IFT74: variants seen among roughly 807,000 people sequenced by gnomAD.
IFT74 encodes intraflagellar transport protein 74 homolog.
IFT74 carries 92 observed loss-of-function variants against 96.7 expected under a neutral mutation model. The ratio of observed to expected loss-of-function variants is 0.95; its 90% CI spans 0.80 to 1.13. The LOEUF (loss-of-function observed/expected upper bound fraction) is 1.13, where lower values mean the gene tolerates loss of function less well. Ranked by LOEUF, IFT74 falls within the 50% of genes most tolerant of loss-of-function variation. The pLI is 0.00. For missense variants in IFT74, 811 were observed against 698.2 expected, an observed-to-expected ratio of 1.16 and a Z score of -1.82; for synonymous variants, 223 against 213.2, an observed-to-expected ratio of 1.05 and a Z score of -0.40.
upstream of IFT74, among the ~76,000 whole-genome samples, chr9:26,953,711 A>G (rs753243294): frequency 2.1e-5 from 3 of 145,518 alleles, no homozygotes; most frequent in Non-Finnish European, 4.5e-5. Context: ...GGGTCTCACT[A>G]TGTTGCCCAG....
rs1820529260 is a variant in IFT74 at position 27,063,871 on chromosome 9, T to A, written c.*1135T>A. Among the ~76,000 whole-genome samples the A allele has an allele frequency of 6.6e-6, 1 of 152,100 alleles. No homozygotes were observed. Among genetic ancestry groups the A allele is most frequent in the African/African-American group, 2.4e-5 (1 of 41,462 alleles). ...AGTTTGCTGAACTCTGGATTACTAA[T>A]ATGGCTGAAGATCCTGGACATTCAT... On this transcript the variant is annotated 3_prime_UTR_variant, in exon 20 of 20. Coordinates refer to ENST00000380062, the MANE Select transcript of IFT74 (RefSeq NM_025103.4).
At chr9:27,021,257 A>G (rs1469663007) in intron 12 of IFT74, among the ~76,000 whole-genome samples, 1 of 152,028 alleles carries the variant, frequency 6.6e-6, no homozygotes, top group Non-Finnish European at 1.5e-5. Context: ...GGCTGTTTCC[A>G]TATTTTTCCA....
At chr9:27,055,439 G>A (rs569035472) in intron 16 of IFT74, among the ~76,000 whole-genome samples, 170 bp from the exon 17 acceptor site, 117 of 151,928 alleles carry the variant, frequency 7.7e-4, no homozygotes, top group Admixed American at 1.8e-3. Flanking sequence ...GGTTATTGAG[G>A]GGATGAGTAT....
chr9:27,000,414 T>C (rs567601433), intron 8 of IFT74, among the ~76,000 whole-genome samples: 1 of 152,348 alleles, frequency 6.6e-6, no homozygotes, highest in Admixed American at 6.5e-5. Context: ...GCATTATCTA[T>C]TGGCATTATC....
At chr9:26,955,649 C>T (rs1826056871), upstream of IFT74, 1 of 152,028 alleles carries the variant, frequency 6.6e-6, no homozygotes, top group African/African-American at 2.4e-5. Context: ...AACATTATCT[C>T]ATTTTGTGTT....
At chr9:26,992,600 C>T (rs1031659767) in intron 8 of IFT74, among the ~76,000 whole-genome samples, 21 of 151,616 alleles carry the variant, frequency 1.4e-4, no homozygotes, top group African/African-American at 4.6e-4. Flanking sequence ...GGCTGAGGCA[C>T]GCGAATCACT....
intron 1 of IFT74, among the ~76,000 whole-genome samples, chr9:26,950,531 C>T (rs1211703350): frequency 6.6e-6 from 1 of 152,118 alleles, no homozygotes; most frequent in African/African-American, 2.4e-5. Flanking sequence ...TTATTTTAGC[C>T]TCCACACTAG....
chr9:26,947,964 G>A (rs1046236604), intron 1 of IFT74, among the ~76,000 whole-genome samples: 2 of 152,122 alleles, frequency 1.3e-5, no homozygotes, highest in Non-Finnish European at 2.9e-5. Context: ...TTGAGTGCCA[G>A]GGTAAACATG....
chr9:27,016,387 T>C (rs139181695), intron 10 of IFT74, among the ~76,000 whole-genome samples: 171 of 152,306 alleles, frequency 1.1e-3, no homozygotes, highest in African/African-American at 3.9e-3. Flanking sequence ...TTAACTTGAC[T>C]AAATATGCAA....
intron 16 of IFT74, among the ~76,000 whole-genome samples, chr9:27,048,619 AT>A (rs1249812840): frequency 6.6e-6 from 1 of 152,198 alleles, no homozygotes; most frequent in African/African-American, 2.4e-5. Flanking sequence ...ATCAACTTTG[AT>A]TTGTACAGAG....
At chr9:27,014,695 C>T (rs577023078) in intron 10 of IFT74, among the ~76,000 whole-genome samples, 10 of 152,280 alleles carry the variant, frequency 6.6e-5, no homozygotes, top group South Asian at 4.1e-4. Flanking sequence ...CTGCAACCTC[C>T]GCCTTCTGAG....
At chr9:27,002,951 C>G (rs1202760560) in intron 8 of IFT74, among the ~76,000 whole-genome samples, 2 of 151,866 alleles carry the variant, frequency 1.3e-5, no homozygotes, top group African/African-American at 4.8e-5. Context: ...TTTGTATCCT[C>G]TTCAGTTTCT....
intron 13 of IFT74, among the ~76,000 whole-genome samples, chr9:27,033,338 G>T (rs540161817): frequency 9.2e-5 from 14 of 152,012 alleles, no homozygotes; most frequent in African/African-American, 3.1e-4. Context: ...GGGGTGGATT[G>T]CTTGAGCTCA....
At chr9:26,952,231 T>A (rs1158056435), upstream of IFT74, among the ~76,000 whole-genome samples, 1 of 152,138 alleles carries the variant, frequency 6.6e-6, no homozygotes, top group Non-Finnish European at 1.5e-5. Context: ...GAATATTCAT[T>A]ATGATTTTTA....
intron 13 of IFT74, among the ~76,000 whole-genome samples, chr9:27,030,338 T>C (rs2131645243): frequency 6.6e-6 from 1 of 152,218 alleles, no homozygotes; most frequent in African/African-American, 2.4e-5. Context: ...GTGATCCTCC[T>C]GTCTCAGCCT....
At chr9:26,961,323 C>T (rs555559220) in intron 1 of IFT74, among the ~76,000 whole-genome samples, 94 of 152,158 alleles carry the variant, frequency 6.2e-4, no homozygotes, top group African/African-American at 2.1e-3. Flanking sequence ...ATCTGCTGAC[C>T]TCATGATCCA....
At chr9:26,992,412 G>T (rs978783908) in intron 8 of IFT74, among the ~76,000 whole-genome samples, 1 of 152,120 alleles carries the variant, frequency 6.6e-6, no homozygotes, top group Non-Finnish European at 1.5e-5. Context: ...ACAACAATTG[G>T]CCAGGTGCAG....
intron 16 of IFT74, among the ~76,000 whole-genome samples, chr9:27,055,264 A>C (rs1467199357): frequency 2.6e-5 from 4 of 152,122 alleles, no homozygotes; most frequent in Non-Finnish European, 5.9e-5. Context: ...TTTTTTCCCT[A>C]CATAACTGTG....
chr9:26,985,769 G>A (rs1170683876), intron 6 of IFT74, among the ~76,000 whole-genome samples: 1 of 152,058 alleles, frequency 6.6e-6, no homozygotes, highest in Admixed American at 6.5e-5. Flanking sequence ...AAATGTATTG[G>A]TCCTATCAGT....
Sources: gnomAD v4.1 joint callset for allele counts (sites outside exome capture counted in the v4.1 genomes callset) on GRCh38, gnomAD v4.1.1 for gene constraint, MANE v1.5 for transcripts, NCBI Gene and HGNC (gene_info 2026-07-23, HGNC 2026-07-21) for gene names.